Variants in PLEKHA7 observed in about 807,000 individuals in gnomAD.
PLEKHA7 encodes pleckstrin homology domain containing A7.
Under a neutral mutation model 170.0 loss-of-function variants are expected in PLEKHA7, and 104 were observed. The ratio of observed to expected loss-of-function variants is 0.61; its 90% CI spans 0.52 to 0.72. The LOEUF (loss-of-function observed/expected upper bound fraction) is 0.72, where lower values mean the gene tolerates loss of function less well. Among genes scored for constraint, PLEKHA7 ranks in the 30% least tolerant of loss-of-function variants. The pLI, the probability that PLEKHA7 is intolerant of heterozygous loss-of-function variation, is 0.00. For missense variants in PLEKHA7, 1,615 were observed against 1,671.7 expected, an observed-to-expected ratio of 0.97 and a Z score of 0.59; for synonymous variants, 648 against 660.8, an observed-to-expected ratio of 0.98 and a Z score of 0.30.
rs557941018 is a variant in PLEKHA7 at position 16,920,979 on chromosome 11, T to C, written c.222-49797A>G. Among the ~76,000 whole-genome samples, 8 of 152,356 alleles carry C rather than the reference T, an allele frequency of 5.3e-5. No homozygotes were observed. The South Asian group carries it at 1.0e-3, about 20-fold the overall frequency. On this transcript the variant is annotated intron_variant, in intron 3 of 26. Coordinates refer to ENST00000531066, the MANE Select transcript of PLEKHA7 (RefSeq NM_001329630.2). ...AAGTGACAGCCTTTTTGTAATCTTA[T>C]AAACATGCTACAAAAGTAATGAGAA...
At chr11:16,813,261 T>G in intron 12 of PLEKHA7, 95 bp from the exon 13 acceptor site, 1 of 1,126,646 alleles carries the variant, frequency 8.9e-7, no homozygotes, top group Non-Finnish European at 1.3e-6. Flanking sequence ...ATCGTGCAGC[T>G]TTGGGAACAA....
chr11:16,959,437 T>A (rs929121354), intron 3 of PLEKHA7, among the ~76,000 whole-genome samples: 1 of 152,214 alleles, frequency 6.6e-6, no homozygotes, highest in African/African-American at 2.4e-5. Context: ...GCAGAAAACA[T>A]GTTTGTAAAC....
At chr11:16,935,576 A>G (rs749488800) in intron 3 of PLEKHA7, among the ~76,000 whole-genome samples, 1 of 152,238 alleles carries the variant, frequency 6.6e-6, no homozygotes. Flanking sequence ...TTGGAGACAT[A>G]AAAGTTATTA....
intron 3 of PLEKHA7, among the ~76,000 whole-genome samples, chr11:16,937,486 G>A (rs952995935): frequency 7.2e-5 from 11 of 152,136 alleles, no homozygotes; most frequent in African/African-American, 2.7e-4. Flanking sequence ...CCCAGTCTGA[G>A]GAGCCATATA....
At chr11:16,931,802 G>A (rs1859958894) in intron 3 of PLEKHA7, among the ~76,000 whole-genome samples, 1 of 146,378 alleles carries the variant, frequency 6.8e-6, no homozygotes, top group South Asian at 2.1e-4. Flanking sequence ...AAGCTGAACA[G>A]AATCCAACTG....
rs535208210 is a variant in PLEKHA7 at position 16,912,852 on chromosome 11, C to G, written c.222-41670G>C. Among the ~76,000 whole-genome samples, 6 of 152,280 alleles carry G rather than the reference C, an allele frequency of 3.9e-5. No homozygotes were observed. In the South Asian group the frequency reaches 1.2e-3, roughly 32 times the overall value. On this transcript the variant is annotated intron_variant, in intron 3 of 26. Coordinates refer to ENST00000531066, the MANE Select transcript of PLEKHA7 (RefSeq NM_001329630.2). ...TTCCCAGACTCTTTCCTGTGTGACT[C>G]GCTCCACCCTGCTGGCCAATTGCCA...
intron 3 of PLEKHA7, among the ~76,000 whole-genome samples, chr11:17,010,474 C>T (rs1014109115): frequency 3.9e-5 from 6 of 151,902 alleles, no homozygotes; most frequent in South Asian, 2.1e-4. Context: ...GGCATGGTGG[C>T]CTGCATTTGT....
intron 3 of PLEKHA7, among the ~76,000 whole-genome samples, chr11:16,922,289 T>C (rs866000311): frequency 1.3e-5 from 2 of 152,346 alleles, no homozygotes; most frequent in Middle Eastern, 3.4e-3. Flanking sequence ...TGGTAAGTAC[T>C]GCATTAAATC....
Position 16,794,992 on chromosome 11 carries a change from T to G in PLEKHA7, c.2436A>C (p.Leu812=), listed in dbSNP as rs144733227. The G allele has an allele frequency of 3.1e-6, 5 of 1,613,756 alleles. No homozygotes were observed. Among genetic ancestry groups the G allele is most frequent in the Non-Finnish European group, 4.2e-6 (5 of 1,179,742 alleles). ...FQEKSQIQKD[L]WRIEDVTAGL... ...CTGCAGTGACATCTTCAATTCTCCA[T>G]AGATCTTTCTGTATCTGCGATTTCT... Residue 812 remains leucine, a synonymous_variant, in exon 18 of 27, where the codon CTA becomes CTC. Coordinates refer to ENST00000531066, the MANE Select transcript of PLEKHA7 (RefSeq NM_001329630.2).
chr11:16,839,864 T>C (rs548780557), intron 9 of PLEKHA7, among the ~76,000 whole-genome samples: 11 of 152,108 alleles, frequency 7.2e-5, no homozygotes, highest in African/African-American at 2.7e-4. Flanking sequence ...ATATATATAT[T>C]AAAAGAATGA....
In PLEKHA7 at chr11:16,791,494, GT is replaced by G. The variant is rs2134229867; in HGVS notation, c.2746-296del. On this transcript the variant is annotated intron_variant, in intron 19 of 26. Coordinates refer to ENST00000531066, the MANE Select transcript of PLEKHA7 (RefSeq NM_001329630.2). The surrounding 1 kb of genome is among the most constrained non-coding windows in gnomAD (Gnocchi z 4.5). ...CTCCTGGGTCCATGCCCTCGGTGCT[GT>G]GCTGAACTGCTCCCTCCGCTCATCT... is the stretch of plus-strand genomic sequence containing the variant. 1.7e-6 allele frequency: 1 copy of G among 586,376 alleles called. No homozygotes were observed. Among genetic ancestry groups the G allele is most frequent in the Admixed American group, 2.2e-5 (1 of 46,234 alleles). The allele number at this position is 586,376 out of a possible 1,614,324, so 36.3% of individuals were successfully genotyped here. A position where few individuals can be genotyped will look rare whatever the true frequency, so the allele number is the denominator to read the frequency against.
rs200063816 is a variant in PLEKHA7 at position 16,826,372 on chromosome 11, G to A, written c.1091C>T (p.Pro364Leu). The change falls in exon 10 of 27, where the codon CCG (proline) becomes CTG (leucine). Residue 364 changes from proline to leucine, a missense_variant. Coordinates refer to ENST00000531066, the MANE Select transcript of PLEKHA7 (RefSeq NM_001329630.2). Reference protein sequence around the residue: ...GKRDRSKARSPYSPAEEDALF... With the variant: ...GKRDRSKARSLYSPAEEDALF... ...GGCATCCTCCTCGGCTGGCGAGTAC[G>A]GAGACCTGGCCTTGCTCCGGTCCCG... The A allele has an allele frequency of 2.5e-5, 41 of 1,614,128 alleles. No homozygotes were observed. The highest frequency in any genetic ancestry group is 4.5e-5 in the East Asian group (2 of 44,898).
intron 3 of PLEKHA7, among the ~76,000 whole-genome samples, chr11:16,908,202 T>C (rs1454905048): frequency 6.8e-6 from 1 of 146,930 alleles, no homozygotes; most frequent in African/African-American, 2.5e-5. Context: ...CCTCCACTAC[T>C]GTCCTGTGAC....
At chr11:16,877,253 T>A (rs1855371044) in intron 3 of PLEKHA7, among the ~76,000 whole-genome samples, 1 of 152,160 alleles carries the variant, frequency 6.6e-6, no homozygotes, top group Non-Finnish European at 1.5e-5. Context: ...CCACTTACTA[T>A]CTTTGTTCTA....
intron 3 of PLEKHA7, among the ~76,000 whole-genome samples, chr11:16,978,638 G>T (rs542104088): frequency 6.6e-6 from 1 of 152,270 alleles, no homozygotes; most frequent in East Asian, 1.9e-4. Context: ...CCTAATGGAT[G>T]GCCAGTTAGG....
Position 16,877,227 on chromosome 11 carries a change from C to T in PLEKHA7, c.222-6045G>A, listed in dbSNP as rs569745604. Among the ~76,000 whole-genome samples, 44 of 149,412 alleles carry T rather than the reference C, an allele frequency of 2.9e-4. 2 individuals carry two copies. The South Asian group carries it at 8.1e-3, about 27-fold the overall frequency. On this transcript the variant is annotated intron_variant, in intron 3 of 26. Transcript: ENST00000531066. ...GGCCTGCAGCCACATTCAGCACTGC[C>T]CCCAGGCTTGTAAAGCCACTTACTA...
chr11:16,838,693 CTTTTTTTTTTTTT>C (rs869209891), intron 9 of PLEKHA7, among the ~76,000 whole-genome samples: 2 of 107,870 alleles, frequency 1.9e-5, no homozygotes, highest in Admixed American at 1.2e-4. Flanking sequence ...ACACAGTTTT[CTTTTTTTTTTTTT>C]TTTTTTTTGA....
intron 3 of PLEKHA7, among the ~76,000 whole-genome samples, chr11:16,995,784 TACA>T (rs1864303634): frequency 6.6e-6 from 1 of 152,218 alleles, no homozygotes; most frequent in South Asian, 2.1e-4. Flanking sequence ...TAACCTTTGC[TACA>T]ACTATATCCA....
intron 13 of PLEKHA7, chr11:16,812,626 G>A (rs563977102): frequency 6.6e-6 from 1 of 152,648 alleles, no homozygotes; most frequent in African/African-American, 2.4e-5. Context: ...CACCTACAGG[G>A]AGGGGCCCAG....
Sources: allele counts gnomAD v4.1 joint callset (sites outside exome capture counted in the v4.1 genomes callset), GRCh38; gene constraint gnomAD v4.1.1; non-coding constraint Gnocchi (gnomAD v3.1); transcripts MANE v1.5; gene names NCBI Gene and HGNC (gene_info 2026-07-23, HGNC 2026-07-21).